The following DDR2 variants were observed in gnomAD, a reference collection of about 807,000 sequenced individuals.
The protein encoded by DDR2 is discoidin domain-containing receptor 2.
Under a neutral mutation model 94.9 loss-of-function variants are expected in DDR2, and 27 were observed. That is an observed-to-expected ratio of 0.28 (90% CI 0.21 to 0.39). The LOEUF (loss-of-function observed/expected upper bound fraction) is 0.39, where lower values mean the gene tolerates loss of function less well. Ranked by LOEUF, DDR2 falls within the 10% of genes least tolerant of loss-of-function variation. The pLI, the probability that DDR2 is intolerant of heterozygous loss-of-function variation, is 1.00. For missense variants in DDR2, 783 were observed against 1,076.0 expected, an observed-to-expected ratio of 0.73 and a Z score of 3.81; for synonymous variants, 382 against 377.2, an observed-to-expected ratio of 1.01 and a Z score of -0.15.
intron 2 of DDR2, among the ~76,000 whole-genome samples, chr1:162,663,293 T>C (rs550821733): frequency 2.6e-5 from 4 of 152,210 alleles, no homozygotes; most frequent in Non-Finnish European, 5.9e-5. Context: ...ATTTCACTTT[T>C]CATGTGTCTG....
At chr1:162,751,961 A>G (rs1043497539) in intron 3 of DDR2, among the ~76,000 whole-genome samples, 19 of 152,156 alleles carry the variant, frequency 1.2e-4, no homozygotes, top group Non-Finnish European at 2.5e-4. Flanking sequence ...ACACCTGGAC[A>G]CAGGGCGGAG....
chr1:162,769,672 A>G (rs1664168397), intron 11 of DDR2, among the ~76,000 whole-genome samples: 1 of 152,216 alleles, frequency 6.6e-6, no homozygotes, highest in Non-Finnish European at 1.5e-5. Flanking sequence ...GGCAGGTTAT[A>G]TTAGATAAGA....
chr1:162,777,897 G>C (rs1647672663), intron 16 of DDR2: 1 of 154,258 alleles, frequency 6.5e-6, no homozygotes, highest in South Asian at 2.0e-4. Flanking sequence ...AAAGAGGGAT[G>C]AGCCAGCCCA....
At chr1:162,730,887 C>A (rs943271516) in intron 3 of DDR2, among the ~76,000 whole-genome samples, 5 of 152,152 alleles carry the variant, frequency 3.3e-5, no homozygotes, top group Non-Finnish European at 7.4e-5. Context: ...AGGTCTCCCT[C>A]AAAAACTCTG....
intron 13 of DDR2, among the ~76,000 whole-genome samples, chr1:162,772,886 G>A (rs1647302012): frequency 6.6e-6 from 1 of 152,132 alleles, no homozygotes; most frequent in Admixed American, 6.5e-5. Context: ...AAAACATTTG[G>A]TTTCCTAAGA....
At chr1:162,728,670 A>G (rs1323017739) in intron 3 of DDR2, among the ~76,000 whole-genome samples, 3 of 152,188 alleles carry the variant, frequency 2.0e-5, no homozygotes, top group African/African-American at 7.2e-5. Context: ...AGCACATTCT[A>G]AAAATTAGAC....
intron 7 of DDR2, among the ~76,000 whole-genome samples, chr1:162,759,142 A>G (rs1663597831): frequency 6.6e-6 from 1 of 152,206 alleles, no homozygotes; most frequent in South Asian, 2.1e-4. Context: ...TGGGTCTAGT[A>G]TCCTACAAAT....
At chr1:162,727,510 A>G (rs1661753419) in intron 3 of DDR2, among the ~76,000 whole-genome samples, 1 of 146,506 alleles carries the variant, frequency 6.8e-6, no homozygotes, top group African/African-American at 2.5e-5. Flanking sequence ...ATAGAGTTAA[A>G]AATAAATAAA....
intron 2 of DDR2, among the ~76,000 whole-genome samples, chr1:162,713,768 T>G (rs1171340959): frequency 6.6e-6 from 1 of 152,200 alleles, no homozygotes; most frequent in Non-Finnish European, 1.5e-5. Flanking sequence ...TTTTCTAAGT[T>G]TTTGTTGTTA....
intron 11 of DDR2, among the ~76,000 whole-genome samples, chr1:162,768,318 T>G (rs943995374): frequency 2.0e-5 from 3 of 152,216 alleles, no homozygotes; most frequent in African/African-American, 7.2e-5. Flanking sequence ...TGCTGACGAC[T>G]AAGTGTTTCT....
intron 7 of DDR2, 47 bp from the exon 8 acceptor site, chr1:162,759,749 A>G (rs1363267381): frequency 1.2e-6 from 2 of 1,610,670 alleles, no homozygotes; most frequent in Non-Finnish European, 1.7e-6. Flanking sequence ...TGTGTGGTTA[A>G]CTCAGATTTC....
At chr1:162,642,137 A>G (rs1332113839) in intron 1 of DDR2, among the ~76,000 whole-genome samples, 2 of 150,374 alleles carry the variant, frequency 1.3e-5, no homozygotes, top group Non-Finnish European at 3.0e-5. Flanking sequence ...TTGTATTTTT[A>G]GTAGAGACAG....
Position 162,754,684 on chromosome 1 carries a change from C to T in DDR2, c.246C>T (p.Asp82=), listed in dbSNP as rs1464842273. Residue 82 remains aspartate (D), a synonymous_variant, in exon 5 of 18, where the codon GAC becomes GAT. Coordinates refer to ENST00000367921, the MANE Select transcript of DDR2 (RefSeq NM_006182.4). Reference sequence around the variant, plus strand: ...CTGAGATTCCAGTGGAACCTGATGACCTGAAGGAGTTTCTGCAGATTGACT... The same window carrying T: ...CTGAGATTCCAGTGGAACCTGATGATCTGAAGGAGTTTCTGCAGATTGACT... ...WCPEIPVEPD[D]LKEFLQIDLH... is the part of the protein sequence containing the mutation. The T allele has an allele frequency of 1.2e-6, 2 of 1,614,012 alleles. No individual in the cohort carries two copies. Among genetic ancestry groups the T allele is most frequent in the South Asian group, 2.2e-5 (2 of 91,080 alleles).
intron 2 of DDR2, among the ~76,000 whole-genome samples, chr1:162,711,095 G>C (rs1359899018): frequency 1.3e-5 from 2 of 152,222 alleles, no homozygotes; most frequent in Non-Finnish European, 2.9e-5. Flanking sequence ...TCCGTGGAGA[G>C]AATGGCTGTC....
chr1:162,648,022 C>G (rs572500011), intron 1 of DDR2, among the ~76,000 whole-genome samples: 7 of 151,144 alleles, frequency 4.6e-5, no homozygotes, highest in Non-Finnish European at 1.0e-4. Flanking sequence ...ATGCCTCTGA[C>G]AGATTCATTC....
At chr1:162,675,602 C>G (rs770713647) in intron 2 of DDR2, among the ~76,000 whole-genome samples, 3 of 152,156 alleles carry the variant, frequency 2.0e-5, no homozygotes, top group Non-Finnish European at 2.9e-5. Context: ...TAGCTAATAT[C>G]TGTTTAATAA....
intron 1 of DDR2, among the ~76,000 whole-genome samples, chr1:162,647,733 A>C (rs561164252): frequency 6.6e-6 from 1 of 152,152 alleles, no homozygotes; most frequent in African/African-American, 2.4e-5. Context: ...GCTGGTGGGA[A>C]TGTCTTTTAG....
chr1:162,708,976 C>T (rs950506182), intron 2 of DDR2, among the ~76,000 whole-genome samples: 14 of 152,278 alleles, frequency 9.2e-5, no homozygotes, highest in African/African-American at 3.1e-4. Flanking sequence ...TAAATGGTAA[C>T]ATTTATGAGA....
intron 2 of DDR2, among the ~76,000 whole-genome samples, chr1:162,682,175 G>C (rs1457540419): frequency 1.3e-5 from 2 of 152,156 alleles, no homozygotes; most frequent in East Asian, 1.9e-4. Context: ...TGTTTATCTT[G>C]GTGGGCCTCA....
Sources: gnomAD v4.1 joint callset for allele counts (sites outside exome capture counted in the v4.1 genomes callset) on GRCh38, gnomAD v4.1.1 for gene constraint, MANE v1.5 for transcripts, NCBI Gene and HGNC (gene_info 2026-07-23, HGNC 2026-07-21) for gene names.